RIMS2: variants seen among roughly 807,000 people sequenced by gnomAD.
RIMS2 encodes the protein regulating synaptic membrane exocytosis protein 2.
Under a neutral mutation model 174.4 loss-of-function variants are expected in RIMS2, and 59 were observed. That is an observed-to-expected ratio of 0.34 (90% CI 0.27 to 0.42). The LOEUF (loss-of-function observed/expected upper bound fraction) is 0.42. Among genes scored for constraint, RIMS2 ranks in the 10% least tolerant of loss-of-function variants. The pLI is 1.00. For synonymous variants in RIMS2, 606 were observed against 572.5 expected (o/e 1.06, Z -0.84); for missense variants, 1,620 against 1,666.3 (o/e 0.97, Z 0.48).
chr8:103,679,010 A>G (rs893645035), intron 1 of RIMS2, among the ~76,000 whole-genome samples: 6 of 152,048 alleles, frequency 3.9e-5, no homozygotes, highest in Non-Finnish European at 8.8e-5. Context: ...TTTTAATAAA[A>G]GTCCCTCTAG....
chr8:103,873,308 C>G (rs1307870972), intron 3 of RIMS2, among the ~76,000 whole-genome samples: 1 of 152,084 alleles, frequency 6.6e-6, no homozygotes, highest in African/African-American at 2.4e-5. Flanking sequence ...GTTCCTGCCA[C>G]AAGTTTTATA....
At chr8:103,921,168 T>C (rs2077584007) in intron 9 of RIMS2, among the ~76,000 whole-genome samples, 1 of 152,154 alleles carries the variant, frequency 6.6e-6, no homozygotes, top group South Asian at 2.1e-4. Context: ...ACAATAAATA[T>C]TTAACATTTT....
chr8:103,931,957 A>G (rs1462131557), intron 12 of RIMS2, among the ~76,000 whole-genome samples: 2 of 152,086 alleles, frequency 1.3e-5, no homozygotes, highest in South Asian at 2.1e-4. Flanking sequence ...ATCAATATAA[A>G]TGGTATTGTT....
intron 2 of RIMS2, among the ~76,000 whole-genome samples, chr8:103,714,880 A>C (rs1241009185): frequency 2.0e-5 from 3 of 152,100 alleles, no homozygotes; most frequent in African/African-American, 4.8e-5. Flanking sequence ...AGTTGGTATA[A>C]AATTTTTTTA....
At chr8:103,561,610 T>C (rs2091606603) in intron 1 of RIMS2, among the ~76,000 whole-genome samples, 1 of 152,140 alleles carries the variant, frequency 6.6e-6, no homozygotes. Flanking sequence ...ACATCAAAAC[T>C]AGAGCAACAA....
intron 1 of RIMS2, among the ~76,000 whole-genome samples, chr8:103,675,837 T>A (rs1192914205): frequency 6.6e-6 from 1 of 152,128 alleles, no homozygotes; most frequent in East Asian, 1.9e-4. Flanking sequence ...TTATAAGGAA[T>A]TCTGGTTTGT....
chr8:103,842,310 AAAG>A lies in RIMS2; in HGVS notation c.699-42982_699-42980del, dbSNP rs543974779. On this transcript the variant is annotated intron_variant, in intron 3 of 23. Transcript: ENST00000504942. ...ACATATAAGAAATAAAAAGGCATAG[AAAG>A]AAGAATTAAAGAAACTCTAAAGAAA... Among the ~76,000 whole-genome samples, 645 of 152,234 alleles carry A rather than the reference AAAG, an allele frequency of 4.2e-3. 3 individuals are homozygous for A. The highest frequency in any genetic ancestry group is 0.015 in the African/African-American group (614 of 41,574).
intron 19 of RIMS2, among the ~76,000 whole-genome samples, chr8:104,054,914 A>G (rs1391614317): frequency 6.6e-6 from 1 of 152,142 alleles, no homozygotes; most frequent in Admixed American, 6.5e-5. Flanking sequence ...ATGAAGTGAT[A>G]TATCTAACAA....
intron 9 of RIMS2, among the ~76,000 whole-genome samples, chr8:103,918,901 C>T (rs570068610): frequency 2.6e-4 from 39 of 152,102 alleles, no homozygotes; most frequent in African/African-American, 9.4e-4. Flanking sequence ...GTAACCTCAT[C>T]CTCATTAAGT....
At chr8:104,208,095 T>C (rs1213617605) in intron 19 of RIMS2, among the ~76,000 whole-genome samples, 1 of 152,036 alleles carries the variant, frequency 6.6e-6, no homozygotes, top group Non-Finnish European at 1.5e-5. Context: ...AAAGTCTTCT[T>C]CTAACAAGTG....
At chr8:103,603,410 G>A (rs2094865361) in intron 1 of RIMS2, among the ~76,000 whole-genome samples, 1 of 149,050 alleles carries the variant, frequency 6.7e-6, no homozygotes, top group African/African-American at 2.5e-5. Flanking sequence ...TTGGGCATTT[G>A]GGTTGGTTCC....
chr8:103,623,309 CAATA>C (rs1359278984), intron 1 of RIMS2, among the ~76,000 whole-genome samples: 1 of 151,848 alleles, frequency 6.6e-6, no homozygotes, highest in Non-Finnish European at 1.5e-5. Flanking sequence ...TTAAGTAAAA[CAATA>C]AATTAAAGTA....
chr8:104,084,260 G>T (rs1432067459), intron 19 of RIMS2, among the ~76,000 whole-genome samples: 1 of 151,824 alleles, frequency 6.6e-6, no homozygotes, highest in Non-Finnish European at 1.5e-5. Context: ...GGCCAACATG[G>T]TGAAACACCA....
At chr8:104,177,080 T>G (rs2098904888) in intron 19 of RIMS2, among the ~76,000 whole-genome samples, 2 of 152,144 alleles carry the variant, frequency 1.3e-5, no homozygotes, top group Non-Finnish European at 2.9e-5. Context: ...CTAACTATAA[T>G]TATGGTTAAT....
At chr8:103,576,892 ACC>A (rs1191507308) in intron 1 of RIMS2, among the ~76,000 whole-genome samples, 1 of 152,226 alleles carries the variant, frequency 6.6e-6, no homozygotes, top group Non-Finnish European at 1.5e-5. Context: ...CTGAAACTGG[ACC>A]CCTTCCTTAC....
intron 2 of RIMS2, among the ~76,000 whole-genome samples, chr8:103,740,856 C>A (rs1056895860): frequency 5.3e-5 from 8 of 152,000 alleles, no homozygotes; most frequent in African/African-American, 1.9e-4. Context: ...CTTTTTTTAA[C>A]AATTGAAAGT....
rs1047704883 is a variant in RIMS2 at position 103,880,331 on chromosome 8, T to C, written c.699-4967T>C. On this transcript the variant is annotated intron_variant, in intron 3 of 23. Transcript: ENST00000504942. ...TTTGGTGTTCAGTATTGTGAGGCAC[T>C]AATCAGCTAAGTACCATAATCCTCC... 6 of 208,630 alleles carry C rather than the reference T, an allele frequency of 2.9e-5. No individual in the cohort carries two copies. In the Admixed American group the frequency reaches 3.5e-4, roughly 12 times the overall value. The allele number at this position is 208,630 out of a possible 1,614,324, so 12.9% of individuals were successfully genotyped here. A position where few individuals can be genotyped will look rare whatever the true frequency, so the allele number is the denominator to read the frequency against.
intron 19 of RIMS2, among the ~76,000 whole-genome samples, chr8:104,222,054 T>G (rs2099157847): frequency 1.3e-5 from 2 of 152,212 alleles, no homozygotes; most frequent in African/African-American, 4.8e-5. Flanking sequence ...TTCCTCAGGT[T>G]CTTCACACCT....
At chr8:103,515,573 A>G (rs1828604706) in intron 1 of RIMS2, among the ~76,000 whole-genome samples, 1 of 152,156 alleles carries the variant, frequency 6.6e-6, no homozygotes, top group East Asian at 1.9e-4. Flanking sequence ...GCCAACAGTA[A>G]TTGGGATTGA....
Sources: allele counts gnomAD v4.1 joint callset (sites outside exome capture counted in the v4.1 genomes callset), GRCh38; gene constraint gnomAD v4.1.1; transcripts MANE v1.5; gene names NCBI Gene and HGNC (gene_info 2026-07-23, HGNC 2026-07-21).